Variants in GALNT17 observed in about 807,000 individuals in gnomAD.
GALNT17 encodes UDP-GalNAc:polypeptide N-acetylgalactosaminyltransferase-like 3.
A neutral mutation model predicts 63.7 loss-of-function variants in GALNT17; 29 were observed. That is an observed-to-expected ratio of 0.46 (90% CI 0.34 to 0.62). The LOEUF (loss-of-function observed/expected upper bound fraction) is 0.62. Among genes scored for constraint, GALNT17 ranks in the 20% least tolerant of loss-of-function variants. The pLI is 0.01. For missense variants in GALNT17, 603 were observed against 799.6 expected, an observed-to-expected ratio of 0.75 and a Z score of 2.97; for synonymous variants, 305 against 318.3, an observed-to-expected ratio of 0.96 and a Z score of 0.45.
intron 9 of GALNT17, among the ~76,000 whole-genome samples, chr7:71,698,155 AG>A (rs1218201070): frequency 6.6e-6 from 1 of 151,884 alleles, no homozygotes; most frequent in East Asian, 1.9e-4. Context: ...AAGAAAAGAA[AG>A]AAAGTGGTTG....
Position 71,276,313 on chromosome 7 carries a change from G to A in GALNT17, c.239-59237G>A, listed in dbSNP as rs1368710941. Among the ~76,000 whole-genome samples, 4 of 152,124 alleles carry A rather than the reference G, an allele frequency of 2.6e-5. No homozygotes were observed. The South Asian group carries it at 6.2e-4, about 24-fold the overall frequency. ...ATTCGATCCAGTAATCCCACTACTG[G>A]ATATTCACTCAAAGGAAAAGAAATC... On this transcript the variant is annotated intron_variant, in intron 1 of 10. Transcript: ENST00000333538.
intron 6 of GALNT17, among the ~76,000 whole-genome samples, chr7:71,638,866 T>C (rs918116814): frequency 6.6e-6 from 1 of 152,072 alleles, no homozygotes; most frequent in Non-Finnish European, 1.5e-5. Flanking sequence ...CACTTATTTG[T>C]GGGATCTAAG....
At chr7:71,186,796 T>C (rs947307127) in intron 1 of GALNT17, among the ~76,000 whole-genome samples, 4 of 152,216 alleles carry the variant, frequency 2.6e-5, no homozygotes, top group East Asian at 1.9e-4. Flanking sequence ...TATCTGGTCA[T>C]GTACATCCAG....
chr7:71,387,396 G>A (rs1012111275), intron 2 of GALNT17, among the ~76,000 whole-genome samples: 1 of 151,728 alleles, frequency 6.6e-6, no homozygotes. Flanking sequence ...CATGATCATA[G>A]CTCATGGTAG....
At chr7:71,169,890 CT>C (rs1457893262) in intron 1 of GALNT17, among the ~76,000 whole-genome samples, 8 of 152,052 alleles carry the variant, frequency 5.3e-5, no homozygotes, top group Admixed American at 5.2e-4. Context: ...TTGCCCTACA[CT>C]TTTTGTATGT....
At chr7:71,380,680 G>A (rs1792828484) in intron 2 of GALNT17, among the ~76,000 whole-genome samples, 1 of 152,160 alleles carries the variant, frequency 6.6e-6, no homozygotes, top group African/African-American at 2.4e-5. Flanking sequence ...GGAGAGCGAA[G>A]ATGCAAGAGA....
chr7:71,312,415 G>A (rs906446439), intron 1 of GALNT17, among the ~76,000 whole-genome samples: 9 of 152,166 alleles, frequency 5.9e-5, no homozygotes, highest in African/African-American at 1.9e-4. Flanking sequence ...AACTCCTGCC[G>A]TGATGTCATC....
chr7:71,344,018 G>A (rs1025383660), intron 2 of GALNT17, among the ~76,000 whole-genome samples: 4 of 151,986 alleles, frequency 2.6e-5, no homozygotes, highest in African/African-American at 9.7e-5. Flanking sequence ...CCAGCAGTTT[G>A]GAGAAGAGCA....
At chr7:71,475,354 T>C (rs773348152) in intron 5 of GALNT17, among the ~76,000 whole-genome samples, 2 of 152,212 alleles carry the variant, frequency 1.3e-5, no homozygotes, top group African/African-American at 2.4e-5. Context: ...AGCCCTGAGC[T>C]TGTTTTCCTG....
At chr7:71,459,104 A>C (rs1195933026) in intron 5 of GALNT17, among the ~76,000 whole-genome samples, 1 of 152,248 alleles carries the variant, frequency 6.6e-6, no homozygotes, top group Non-Finnish European at 1.5e-5. Flanking sequence ...GCTTAAAAAA[A>C]AAACACCTTT....
At position 71,366,191 on chromosome 7, in the gene GALNT17, G is replaced by A. The variant is rs554227511; in HGVS notation, c.423-22044G>A. Among the ~76,000 whole-genome samples the A allele has an allele frequency of 4.6e-5, 7 of 152,168 alleles. No homozygotes were observed. The East Asian group carries it at 7.7e-4, about 17-fold the overall frequency. ...AAGAAGTTTTGCCCACTCTCCTGACGCTCACCTCCTGCTGTGTGACCTGGA... is the reference window on the plus strand; with the variant it reads ...AAGAAGTTTTGCCCACTCTCCTGACACTCACCTCCTGCTGTGTGACCTGGA... On this transcript the variant is annotated intron_variant, in intron 2 of 10. Transcript: ENST00000333538.
In GALNT17 at chr7:71,257,443, C is replaced by G. The variant is rs112168320; in HGVS notation, c.239-78107C>G. 4.3e-3 allele frequency among the ~76,000 whole-genome samples: 656 copies of G among 152,206 alleles called. 6 individuals are homozygous for G. Among genetic ancestry groups the G allele is most frequent in the African/African-American group, 0.015 (619 of 41,520 alleles). ...AGATGAGTGTACTTTCCCAGCACAG[C>G]CAGCACTCCCCTCCACTGCTCATTT... On this transcript the variant is annotated intron_variant, in intron 1 of 10. Transcript: ENST00000333538.
At chr7:71,449,500 G>A (rs1787221136) in intron 5 of GALNT17, among the ~76,000 whole-genome samples, 1 of 152,060 alleles carries the variant, frequency 6.6e-6, no homozygotes, top group Non-Finnish European at 1.5e-5. Flanking sequence ...AGTCTGCAGA[G>A]CAATGTTGAG....
At chr7:71,440,374 ATTTT>A (rs11297830) in intron 5 of GALNT17, among the ~76,000 whole-genome samples, 11 of 123,246 alleles carry the variant, frequency 8.9e-5, no homozygotes, top group South Asian at 5.3e-4. Flanking sequence ...TTCTTTCTTA[ATTTT>A]TTTTTTTTTT....
At chr7:71,225,178 A>G (rs1789658752) in intron 1 of GALNT17, among the ~76,000 whole-genome samples, 1 of 152,160 alleles carries the variant, frequency 6.6e-6, no homozygotes, top group Non-Finnish European at 1.5e-5. Flanking sequence ...CATGTTGGCC[A>G]GGCTGGTCTT....
At chr7:71,250,598 C>T (rs1790180214) in intron 1 of GALNT17, among the ~76,000 whole-genome samples, 1 of 152,174 alleles carries the variant, frequency 6.6e-6, no homozygotes, top group Non-Finnish European at 1.5e-5. Flanking sequence ...AGCATCCATT[C>T]CATCAGGAGG....
intron 2 of GALNT17, among the ~76,000 whole-genome samples, chr7:71,341,928 C>G (rs908617742): frequency 6.6e-6 from 1 of 152,166 alleles, no homozygotes; most frequent in Non-Finnish European, 1.5e-5. Flanking sequence ...CTCCTAGAGG[C>G]TCCTGTGGAT....
chr7:71,522,925 G>T (rs1788554649), intron 5 of GALNT17, among the ~76,000 whole-genome samples: 1 of 152,188 alleles, frequency 6.6e-6, no homozygotes, highest in South Asian at 2.1e-4. Flanking sequence ...CAGATTCTTA[G>T]TTGGGTGCAG....
chr7:71,574,717 C>T (rs1361074897), intron 6 of GALNT17, among the ~76,000 whole-genome samples: 1 of 152,138 alleles, frequency 6.6e-6, no homozygotes, highest in African/African-American at 2.4e-5. Flanking sequence ...GGCCCCATCC[C>T]AGACCTACTG....
Sources: gnomAD v4.1 joint callset for allele counts (sites outside exome capture counted in the v4.1 genomes callset) on GRCh38, gnomAD v4.1.1 for gene constraint, MANE v1.5 for transcripts, NCBI Gene and HGNC (gene_info 2026-07-23, HGNC 2026-07-21) for gene names.